Variants in RNF157 observed in about 807,000 individuals in gnomAD.
The protein encoded by RNF157 is ring finger protein 157, also known as E3 ubiquitin ligase RNF157.
Under a neutral mutation model 88.3 loss-of-function variants are expected in RNF157, and 55 were observed. The observed-to-expected ratio is 0.62, with a 90% CI of 0.50 to 0.78. The LOEUF (loss-of-function observed/expected upper bound fraction) is 0.78, where lower values mean the gene tolerates loss of function less well. Ranked by LOEUF, RNF157 falls within the 30% of genes least tolerant of loss-of-function variation. The pLI, the probability that RNF157 is intolerant of heterozygous loss-of-function variation, is 0.00. For synonymous variants in RNF157, 334 were observed against 341.2 expected (o/e 0.98, Z 0.23); for missense variants, 788 against 860.8 (o/e 0.92, Z 1.06).
In RNF157 at chr17:76,195,450, G is replaced by C. The variant is rs1485873370; in HGVS notation, c.207+16914C>G. Among the ~76,000 whole-genome samples, 1 of 152,206 alleles carries C rather than the reference G, an allele frequency of 6.6e-6. No individual in the cohort carries two copies. The highest frequency in any genetic ancestry group is 1.5e-5 in the Non-Finnish European group (1 of 68,028). ...TGCTAGTGGGAAAAAAAAATTGGTA[G>C]AATCACTTTGAAAAGCGGTTAGCGG... On this transcript the variant is annotated intron_variant, in intron 2 of 18. Transcript: ENST00000269391. The surrounding 1 kb of genome is among the most constrained non-coding windows in gnomAD (Gnocchi z 4.4).
intron 2 of RNF157, among the ~76,000 whole-genome samples, chr17:76,202,204 G>C (rs1283255244): frequency 2.0e-5 from 3 of 150,766 alleles, no homozygotes; most frequent in Admixed American, 2.0e-4. Flanking sequence ...CCCACCATGG[G>C]CTTTAGGCCT....
At chr17:76,194,244 T>A (rs2069435675) in intron 2 of RNF157, among the ~76,000 whole-genome samples, 1 of 152,184 alleles carries the variant, frequency 6.6e-6, no homozygotes, top group Admixed American at 6.5e-5. Flanking sequence ...TGCACCCCAG[T>A]CCCTGGCAAC....
At chr17:76,237,452 G>A (rs2070301471) in intron 1 of RNF157, among the ~76,000 whole-genome samples, 1 of 152,204 alleles carries the variant, frequency 6.6e-6, no homozygotes, top group African/African-American at 2.4e-5. Flanking sequence ...TCCACTGTTA[G>A]TACTCAGGAT....
Position 76,174,915 on chromosome 17 carries a change from T to C in RNF157, c.208-1125A>G, listed in dbSNP as rs1412027996. On this transcript the variant is annotated intron_variant, in intron 2 of 18. Transcript: ENST00000269391. ...GCAGTAATTTACTTTTTCATTGATATATTAACCATACATTCTTTTAAAAAT... is the reference window on the plus strand; with the variant it reads ...GCAGTAATTTACTTTTTCATTGATACATTAACCATACATTCTTTTAAAAAT... Among the ~76,000 whole-genome samples, 3 of 152,248 alleles carry C rather than the reference T, an allele frequency of 2.0e-5. No individual in the cohort carries two copies. The South Asian group carries it at 6.2e-4, about 31-fold the overall frequency.
At chr17:76,158,566 A>G in intron 12 of RNF157, 65 bp from the exon 13 acceptor site, 6 of 1,087,092 alleles carry the variant, frequency 5.5e-6, no homozygotes, top group Non-Finnish European at 8.5e-6. Flanking sequence ...ACTTACTGCA[A>G]GGGGAGCTGA....
At chr17:76,218,504 G>T (rs977920105) in intron 1 of RNF157, among the ~76,000 whole-genome samples, 1 of 152,130 alleles carries the variant, frequency 6.6e-6, no homozygotes. Context: ...AGTTAGCCAG[G>T]CATGGTGGCA....
rs771832481 is a variant in RNF157 at position 76,195,605 on chromosome 17, A to G, written c.207+16759T>C. ...TAGCAGCACTATGTGTAATAGCCAAAATGCCCCAAAAAAGCTCAATGCCTG... is the reference window on the plus strand; with the variant it reads ...TAGCAGCACTATGTGTAATAGCCAAGATGCCCCAAAAAAGCTCAATGCCTG... On this transcript the variant is annotated intron_variant, in intron 2 of 18. Transcript: ENST00000269391. The surrounding 1 kb of genome is among the most constrained non-coding windows in gnomAD (Gnocchi z 4.4). Among the ~76,000 whole-genome samples the G allele has an allele frequency of 1.4e-4, 21 of 152,250 alleles. No individual in the cohort carries two copies. Among genetic ancestry groups the G allele is most frequent in the Admixed American group, 4.6e-4 (7 of 15,290 alleles).
At chr17:76,190,170 C>CTCT (rs2069360663) in intron 2 of RNF157, among the ~76,000 whole-genome samples, 1 of 123,568 alleles carries the variant, frequency 8.1e-6, no homozygotes, top group African/African-American at 2.7e-5. Context: ...CTTGCTCTCT[C>CTCT]TTTTTTTTTT....
Position 76,160,446 on chromosome 17 carries a change from C to G in RNF157, c.1066-873G>C, listed in dbSNP as rs1044687724. Among the ~76,000 whole-genome samples, 10 of 151,832 alleles carry G rather than the reference C, an allele frequency of 6.6e-5. No homozygotes were observed. Among genetic ancestry groups the G allele is most frequent in the African/African-American group, 2.4e-4 (10 of 41,334 alleles). ...AGAAGACCTATTCTGACTGCTTCCC[C>G]GAAAGCAGGGAGAATCGCTAAAAAG... On this transcript the variant is annotated intron_variant, in intron 11 of 18. Transcript: ENST00000269391. The surrounding 1 kb of genome is among the most constrained non-coding windows in gnomAD (Gnocchi z 4.3).
At chr17:76,158,657 T>C (rs907031706) in intron 12 of RNF157, 156 bp from the exon 13 acceptor site, 2 of 605,350 alleles carry the variant, frequency 3.3e-6, no homozygotes, top group Non-Finnish European at 6.0e-6. Context: ...CTGGGACTCC[T>C]GGGCTTCAGC....
chr17:76,165,049 T>G (rs2068901227), intron 7 of RNF157, among the ~76,000 whole-genome samples: 1 of 152,208 alleles, frequency 6.6e-6, no homozygotes, highest in Non-Finnish European at 1.5e-5. Context: ...TCTCTTACTG[T>G]GCCTAACTTA....
In RNF157 at chr17:76,161,463, G is replaced by A; in HGVS notation, c.1065+72C>T. Reference sequence around the variant, plus strand: ...ATTCCTTGCTGCAATGCCACGTAGAGAAGCATGAAAAGTTTAAAAAAGCCA... The same window carrying A: ...ATTCCTTGCTGCAATGCCACGTAGAAAAGCATGAAAAGTTTAAAAAAGCCA... On this transcript the variant is annotated intron_variant, in intron 11 of 18. Transcript: ENST00000269391. The surrounding 1 kb of genome is among the most constrained non-coding windows in gnomAD (Gnocchi z 4.6). The A allele has an allele frequency of 2.6e-6, 3 of 1,133,264 alleles. No homozygotes were observed. The highest frequency in any genetic ancestry group is 4.0e-6 in the Non-Finnish European group (3 of 743,932). 70.2% of individuals were successfully genotyped at this position (1,133,264 alleles called of 1,614,324 possible). A position where few individuals can be genotyped will look rare whatever the true frequency, so the allele number is the denominator to read the frequency against.
rs1022235225 is a variant in RNF157 at position 76,146,961 on chromosome 17, C to T, written c.1922-1608G>A. 1.7e-5 allele frequency: 17 copies of T among 985,300 alleles called. No homozygotes were observed. Among genetic ancestry groups the T allele is most frequent in the African/African-American group, 1.6e-4 (9 of 57,234 alleles). 61.0% of individuals were successfully genotyped at this position (985,300 alleles called of 1,614,324 possible). On this transcript the variant is annotated intron_variant, in intron 18 of 18. Transcript: ENST00000269391. This position sits in a 1 kb window ranked among gnomAD's most constrained non-coding sequence, Gnocchi z 4.2. ...ATAAATGGCTTATTTCCATCAATGC[C>T]TTGGTGTGCTAATCCACCTCAGGCT...
In RNF157 at chr17:76,155,750, A is replaced by T. The variant is rs779143175; in HGVS notation, c.1526-16T>A. 6.5e-7 allele frequency: 1 copy of T among 1,529,062 alleles called. No individual in the cohort carries two copies. The highest frequency in any genetic ancestry group is 1.2e-5 in the South Asian group (1 of 81,378). The allele number at this position is 1,529,062 out of a possible 1,614,324, so 94.7% of individuals were successfully genotyped here. On this transcript the variant is annotated splice_polypyrimidine_tract_variant and intron_variant, in intron 14 of 18. Transcript: ENST00000269391. ...CTGGCAGGGCCTTTGGAGACAGGGG[A>T]TGGGGAAAGGAGCCTGGAGGTCAGG...
chr17:76,226,218 A>T, intron 1 of RNF157: 1 of 1,612,330 alleles, frequency 6.2e-7, no homozygotes, highest in Non-Finnish European at 8.5e-7. Flanking sequence ...TAAGCAGTGG[A>T]GTCCGGCTTC....
Position 76,155,568 on chromosome 17 carries a change from T to G in RNF157, c.1692A>C (p.Glu564Asp). 6.2e-7 allele frequency: 1 copy of G among 1,612,112 alleles called. No homozygotes were observed. The highest frequency in any genetic ancestry group is 1.3e-5 in the African/African-American group (1 of 74,882). Residue 564 changes from glutamate to aspartate, a missense_variant, in exon 15 of 19, where the codon GAA becomes GAC. By Grantham distance (45) the Glu-to-Asp change is conservative (BLOSUM62 2). Coordinates refer to ENST00000269391, the MANE Select transcript of RNF157 (RefSeq NM_052916.3). ...TTCCCGTCCCTTCCCTTACCTCTCC[T>G]TCTTCTGAGGGGGCCCTGCTGGCAG... ...PQPASRAPSE[E>D]GEGLPAESPD...
rs1477048225 is a variant in RNF157, at chr17:76,155,251, C to T, written c.1764+1G>A. 1 of 1,613,876 alleles carries T rather than the reference C, an allele frequency of 6.2e-7. No homozygotes were observed. The highest frequency in any genetic ancestry group is 8.5e-7 in the Non-Finnish European group (1 of 1,179,810). On this transcript the variant is annotated splice_donor_variant, in intron 16 of 18. Coordinates refer to ENST00000269391, the MANE Select transcript of RNF157 (RefSeq NM_052916.3). LOFTEE classifies it high-confidence loss of function. ...GCACCACTCCGTGCTGTTGGGGTTA[C>T]CTCTGCATCCTGCTCTCCAGCTGGG...
intron 2 of RNF157, among the ~76,000 whole-genome samples, chr17:76,202,178 G>A (rs1370355489): frequency 6.7e-6 from 1 of 148,668 alleles, no homozygotes; most frequent in East Asian, 2.0e-4. Context: ...ACACGTGCAT[G>A]AGAAAGACAC....
In RNF157 at chr17:76,195,946, C is replaced by T. The variant is rs1329671846; in HGVS notation, c.207+16418G>A. Among the ~76,000 whole-genome samples the T allele has an allele frequency of 6.6e-6, 1 of 152,190 alleles. No individual in the cohort carries two copies. Among genetic ancestry groups the T allele is most frequent in the Admixed American group, 6.5e-5 (1 of 15,272 alleles). On this transcript the variant is annotated intron_variant, in intron 2 of 18. Transcript: ENST00000269391. The surrounding 1 kb of genome is among the most constrained non-coding windows in gnomAD (Gnocchi z 4.4). Reference sequence around the variant, plus strand: ...CACGGCAACACCTGGAAGTTACCACCCTCTTTCATGGCAATGACCCAATGA... The same window carrying T: ...CACGGCAACACCTGGAAGTTACCACTCTCTTTCATGGCAATGACCCAATGA...
Sources: allele counts gnomAD v4.1 joint callset (sites outside exome capture counted in the v4.1 genomes callset), GRCh38; gene constraint gnomAD v4.1.1; non-coding constraint Gnocchi (gnomAD v3.1); transcripts MANE v1.5; gene names NCBI Gene and HGNC (gene_info 2026-07-23, HGNC 2026-07-21).